The following JAZF1 variants were observed in gnomAD, a reference collection of about 807,000 sequenced individuals.
The protein encoded by JAZF1 is JAZF zinc finger 1.
Under a neutral mutation model 26.4 loss-of-function variants are expected in JAZF1, and 8 were observed. That is an observed-to-expected ratio of 0.30 (90% CI 0.18 to 0.55). The LOEUF is 0.55. Among genes scored for constraint, JAZF1 ranks in the 20% least tolerant of loss-of-function variants. JAZF1 has a pLI of 0.94. For synonymous variants in JAZF1, 126 were observed against 122.3 expected, an observed-to-expected ratio of 1.03 and a Z score of -0.20; for missense variants, 199 against 322.0, an observed-to-expected ratio of 0.62 and a Z score of 2.92.
chr7:28,162,769 A>C lies in JAZF1; in HGVS notation c.115+17694T>G, dbSNP rs542544120. ...GTATAAAACGTCTGATGAAAGGTAA[A>C]GCATGAAACTAACTCAAAGCCTTTA... is the stretch of plus-strand genomic sequence containing the variant. On this transcript the variant is annotated intron_variant, in intron 1 of 4. Coordinates refer to ENST00000283928, the MANE Select transcript of JAZF1 (RefSeq NM_175061.4). Among the ~76,000 whole-genome samples, 164 of 152,366 alleles carry C rather than the reference A, an allele frequency of 1.1e-3. 1 individual carries two copies. Among genetic ancestry groups the C allele is most frequent in the Admixed American group, 3.3e-3 (50 of 15,308 alleles).
At chr7:28,145,522 C>T (rs1783014477) in intron 1 of JAZF1, among the ~76,000 whole-genome samples, 1 of 152,126 alleles carries the variant, frequency 6.6e-6, no homozygotes. Flanking sequence ...TTGTAGGCAT[C>T]CAACAAATAA....
chr7:28,129,227 C>A (rs1782751286), intron 1 of JAZF1, among the ~76,000 whole-genome samples: 1 of 151,908 alleles, frequency 6.6e-6, no homozygotes, highest in South Asian at 2.1e-4. Flanking sequence ...GTGTTCCTGA[C>A]AACAAAATGG....
chr7:28,179,761 A>T (rs1453860814), intron 1 of JAZF1, among the ~76,000 whole-genome samples: 1 of 146,180 alleles, frequency 6.8e-6, no homozygotes, highest in African/African-American at 2.5e-5. Flanking sequence ...GCCGCCTCCC[A>T]GGGAGAGGGC....
At chr7:28,099,368 CT>C (rs1350618005) in intron 1 of JAZF1, among the ~76,000 whole-genome samples, 2,791 of 139,712 alleles carry the variant, frequency 0.02, 80 homozygotes, top group African/African-American at 0.068. Flanking sequence ...TTTTTTTTTT[CT>C]TTTTTTTTTT....
At chr7:27,926,354 A>G (rs1767182053) in intron 2 of JAZF1, among the ~76,000 whole-genome samples, 1 of 152,166 alleles carries the variant, frequency 6.6e-6, no homozygotes, top group Non-Finnish European at 1.5e-5. Context: ...CAACAGCAAC[A>G]CTGTACAAGG....
At chr7:27,875,900 A>G (rs1209517659) in intron 3 of JAZF1, among the ~76,000 whole-genome samples, 1 of 152,242 alleles carries the variant, frequency 6.6e-6, no homozygotes, top group African/African-American at 2.4e-5. Flanking sequence ...AAGGACACAC[A>G]AAGGAATCAC....
At chr7:27,991,491 T>C (rs1785902915) in intron 2 of JAZF1, among the ~76,000 whole-genome samples, 1 of 152,232 alleles carries the variant, frequency 6.6e-6, no homozygotes, top group African/African-American at 2.4e-5. Flanking sequence ...GAGCTGCTTC[T>C]AAATAACTTT....
chr7:27,849,683 C>G (rs1783103011), intron 3 of JAZF1, among the ~76,000 whole-genome samples: 1 of 151,150 alleles, frequency 6.6e-6, no homozygotes, highest in Non-Finnish European at 1.5e-5. Flanking sequence ...GGAGCTTCTA[C>G]TGGTTGTTGG....
intron 2 of JAZF1, among the ~76,000 whole-genome samples, chr7:27,969,881 C>T (rs1785345983): frequency 6.6e-6 from 1 of 152,160 alleles, no homozygotes; most frequent in South Asian, 2.1e-4. Context: ...CATCTAGCAT[C>T]TTTTTACCTT....
intron 1 of JAZF1, among the ~76,000 whole-genome samples, chr7:28,118,686 A>T (rs1784786986): frequency 6.6e-6 from 1 of 152,008 alleles, no homozygotes. Context: ...TTTGTATTCA[A>T]TCCATAATGT....
At chr7:27,842,123 G>GC (rs1782935434) in intron 3 of JAZF1, 1 of 152,072 alleles carries the variant, frequency 6.6e-6, no homozygotes. Flanking sequence ...GAACAGGGAC[G>GC]CCGGCATCTG....
chr7:27,951,356 C>CT (rs1440703739), intron 2 of JAZF1, among the ~76,000 whole-genome samples: 6 of 152,246 alleles, frequency 3.9e-5, no homozygotes, highest in African/African-American at 1.4e-4. Flanking sequence ...AGTACTATTA[C>CT]CTTAAGAAAT....
At chr7:27,915,593 A>G (rs1784434368) in intron 2 of JAZF1, among the ~76,000 whole-genome samples, 1 of 152,372 alleles carries the variant, frequency 6.6e-6, no homozygotes, top group South Asian at 2.1e-4. Context: ...ATTATCCTGA[A>G]TAAGGTGAAG....
chr7:27,848,669 T>C (rs1203881887), intron 3 of JAZF1, among the ~76,000 whole-genome samples: 2 of 152,210 alleles, frequency 1.3e-5, no homozygotes, highest in Non-Finnish European at 2.9e-5. Context: ...TGCCACGGTT[T>C]TGAGGCCCTA....
At chr7:28,139,308 G>A (rs1431703573) in intron 1 of JAZF1, among the ~76,000 whole-genome samples, 1 of 152,224 alleles carries the variant, frequency 6.6e-6, no homozygotes, top group Non-Finnish European at 1.5e-5. Flanking sequence ...AGTGCCATGA[G>A]GTGAACTGTG....
At chr7:28,027,972 G>C (rs763086075) in intron 1 of JAZF1, among the ~76,000 whole-genome samples, 36 of 152,146 alleles carry the variant, frequency 2.4e-4, no homozygotes, top group Non-Finnish European at 4.3e-4. Flanking sequence ...TTTCTGAATA[G>C]AGCCTATTAC....
At chr7:28,021,797 GC>G (rs1164821447) in intron 1 of JAZF1, among the ~76,000 whole-genome samples, 5 of 152,160 alleles carry the variant, frequency 3.3e-5, no homozygotes, top group African/African-American at 1.2e-4. Flanking sequence ...GGAGACAAGG[GC>G]CCACAGTTCG....
intron 1 of JAZF1, among the ~76,000 whole-genome samples, chr7:28,079,404 A>G (rs1784101742): frequency 6.6e-6 from 1 of 152,086 alleles, no homozygotes; most frequent in African/African-American, 2.4e-5. Context: ...TCACTTCTTA[A>G]CTCAAAATAC....
chr7:28,059,430 T>C (rs901194781), intron 1 of JAZF1, among the ~76,000 whole-genome samples: 1 of 152,168 alleles, frequency 6.6e-6, no homozygotes, highest in African/African-American at 2.4e-5. Flanking sequence ...AACCTAAACA[T>C]TACTAATTTC....
Sources: gnomAD v4.1 joint callset for allele counts (sites outside exome capture counted in the v4.1 genomes callset) on GRCh38, gnomAD v4.1.1 for gene constraint, MANE v1.5 for transcripts, NCBI Gene and HGNC (gene_info 2026-07-23, HGNC 2026-07-21) for gene names.